SLC35F1: variants seen among roughly 807,000 people sequenced by gnomAD.
SLC35F1 encodes solute carrier family 35 member F1, also known as chromosome 6 open reading frame 169.
SLC35F1 carries 14 observed loss-of-function variants against 48.7 expected under a neutral mutation model. The observed-to-expected ratio is 0.29, with a 90% confidence interval of 0.19 to 0.45. The LOEUF (loss-of-function observed/expected upper bound fraction) is 0.45, where lower values mean the gene tolerates loss of function less well. SLC35F1 is among the 20% of genes least tolerant of loss of function. The pLI is 1.00. For synonymous variants in SLC35F1, 190 were observed against 202.2 expected (o/e 0.94, Z 0.51); for missense variants, 404 against 500.0 (o/e 0.81, Z 1.83).
chr6:118,139,562 A>T (rs2114439408), intron 1 of SLC35F1, among the ~76,000 whole-genome samples: 1 of 152,228 alleles, frequency 6.6e-6, no homozygotes. Flanking sequence ...CCAGGAGATG[A>T]CTGACTTTCC....
chr6:118,148,693 G>T (rs1437172957), intron 1 of SLC35F1, among the ~76,000 whole-genome samples: 1 of 152,152 alleles, frequency 6.6e-6, no homozygotes, highest in Non-Finnish European at 1.5e-5. Flanking sequence ...TAGGAACTAT[G>T]TTTCTTATGT....
chr6:118,008,982 T>G (rs1777210434), intron 1 of SLC35F1, among the ~76,000 whole-genome samples: 1 of 152,228 alleles, frequency 6.6e-6, no homozygotes, highest in Non-Finnish European at 1.5e-5. Context: ...GTTGGAGAAC[T>G]TAAAATAGTT....
intron 1 of SLC35F1, among the ~76,000 whole-genome samples, chr6:118,071,793 A>G (rs1772734351): frequency 6.6e-6 from 1 of 152,050 alleles, no homozygotes; most frequent in South Asian, 2.1e-4. Flanking sequence ...GTCTGATGTC[A>G]TCTAATTCTC....
At chr6:118,092,142 A>G (rs1270376112) in intron 1 of SLC35F1, among the ~76,000 whole-genome samples, 1 of 152,206 alleles carries the variant, frequency 6.6e-6, no homozygotes, top group Non-Finnish European at 1.5e-5. Context: ...CCAAATGTTA[A>G]TCACCAAGAC....
At chr6:118,144,725 G>T (rs1232105657) in intron 1 of SLC35F1, among the ~76,000 whole-genome samples, 2 of 151,426 alleles carry the variant, frequency 1.3e-5, no homozygotes, top group African/African-American at 2.4e-5. Context: ...TACTTTATAT[G>T]TGAAAAGGAA....
At chr6:118,087,279 G>A (rs1019697656) in intron 1 of SLC35F1, among the ~76,000 whole-genome samples, 8 of 151,930 alleles carry the variant, frequency 5.3e-5, no homozygotes, top group East Asian at 3.9e-4. Context: ...GAGGACACCC[G>A]TCATATTGGA....
chr6:118,043,069 A>G (rs1772250240), intron 1 of SLC35F1, among the ~76,000 whole-genome samples: 1 of 152,186 alleles, frequency 6.6e-6, no homozygotes, highest in African/African-American at 2.4e-5. Context: ...TTAGGATTCT[A>G]TTTATAAAGA....
intron 1 of SLC35F1, among the ~76,000 whole-genome samples, chr6:117,984,152 G>A (rs999646959): frequency 8.5e-5 from 13 of 152,068 alleles, no homozygotes; most frequent in African/African-American, 2.9e-4. Context: ...TATTATTAAT[G>A]GCAATGCTAA....
chr6:118,057,491 T>A (rs1034422866), intron 1 of SLC35F1, among the ~76,000 whole-genome samples: 1 of 152,118 alleles, frequency 6.6e-6, no homozygotes, highest in African/African-American at 2.4e-5. Flanking sequence ...ATGGTGAAAT[T>A]TGAAGAATTA....
At chr6:118,175,214 G>A (rs1774470059) in intron 2 of SLC35F1, among the ~76,000 whole-genome samples, 1 of 152,088 alleles carries the variant, frequency 6.6e-6, no homozygotes, top group Non-Finnish European at 1.5e-5. Flanking sequence ...TTAAAGTAAA[G>A]TCAAAGCCTC....
At chr6:118,261,319 G>T (rs573085583) in intron 3 of SLC35F1, among the ~76,000 whole-genome samples, 1 of 152,290 alleles carries the variant, frequency 6.6e-6, no homozygotes, top group Admixed American at 6.5e-5. Context: ...TCCATTTCAT[G>T]AGACTTAGGC....
At chr6:118,131,434 AGC>A (rs1396314992) in intron 1 of SLC35F1, among the ~76,000 whole-genome samples, 1 of 152,194 alleles carries the variant, frequency 6.6e-6, no homozygotes, top group Non-Finnish European at 1.5e-5. Context: ...TAACTTAATG[AGC>A]CATTAAGTTA....
intron 1 of SLC35F1, among the ~76,000 whole-genome samples, chr6:118,003,757 A>T (rs920027353): frequency 1.3e-5 from 2 of 152,102 alleles, no homozygotes; most frequent in African/African-American, 2.4e-5. Flanking sequence ...ATTTTTTTTT[A>T]AAAGAGAGCA....
chr6:117,969,081 T>C (rs1220639939), intron 1 of SLC35F1, among the ~76,000 whole-genome samples: 1 of 152,232 alleles, frequency 6.6e-6, no homozygotes, highest in African/African-American at 2.4e-5. Context: ...ATCTACCCCA[T>C]GTGCCTTTTA....
chr6:118,223,414 G>A (rs568352360), intron 2 of SLC35F1, among the ~76,000 whole-genome samples: 1 of 152,088 alleles, frequency 6.6e-6, no homozygotes, highest in African/African-American at 2.4e-5. Flanking sequence ...CAAGTAAGTG[G>A]TGCTTGCCTC....
At chr6:118,253,582 C>T (rs2114606065) in intron 3 of SLC35F1, among the ~76,000 whole-genome samples, 1 of 152,004 alleles carries the variant, frequency 6.6e-6, no homozygotes, top group South Asian at 2.1e-4. Context: ...AGGATAGGTC[C>T]CTCAGAAACA....
At chr6:117,927,432 A>C (rs1165345844) in intron 1 of SLC35F1, among the ~76,000 whole-genome samples, 1 of 152,184 alleles carries the variant, frequency 6.6e-6, no homozygotes, top group Non-Finnish European at 1.5e-5. Flanking sequence ...AATCAAGACA[A>C]AACTGCAAAG....
chr6:117,988,044 CA>C (rs1776869894), intron 1 of SLC35F1, among the ~76,000 whole-genome samples: 1 of 152,030 alleles, frequency 6.6e-6, no homozygotes, highest in Non-Finnish European at 1.5e-5. Flanking sequence ...AGAAAACCTA[CA>C]TCACTCCAAA....
intron 2 of SLC35F1, among the ~76,000 whole-genome samples, chr6:118,192,210 T>C (rs1395915113): frequency 2.0e-5 from 3 of 152,210 alleles, no homozygotes; most frequent in Admixed American, 2.0e-4. Context: ...AGTTTCAGTA[T>C]TCGCTGATTT....
Sources: gnomAD v4.1 joint callset for allele counts (sites outside exome capture counted in the v4.1 genomes callset) on GRCh38, gnomAD v4.1.1 for gene constraint, MANE v1.5 for transcripts, NCBI Gene and HGNC (gene_info 2026-07-23, HGNC 2026-07-21) for gene names.